Variants in GABRB2 observed in about 807,000 individuals in gnomAD.
GABRB2 encodes the protein gamma-aminobutyric acid receptor subunit beta-2.
A neutral mutation model predicts 54.7 loss-of-function variants in GABRB2; 16 were observed. That is an observed-to-expected ratio of 0.29 (90% CI 0.20 to 0.44). The LOEUF is 0.44. Among genes scored for constraint, GABRB2 ranks in the 20% least tolerant of loss-of-function variants. The pLI, the probability that GABRB2 is intolerant of heterozygous loss-of-function variation, is 1.00. For missense variants in GABRB2, 355 were observed against 644.0 expected (o/e 0.55, Z 4.86); for synonymous variants, 244 against 233.8 (o/e 1.04, Z -0.40).
chr5:161,464,874 C>G (rs1007273608), intron 3 of GABRB2, among the ~76,000 whole-genome samples: 6 of 151,972 alleles, frequency 3.9e-5, no homozygotes, highest in African/African-American at 1.4e-4. Context: ...GATGAACGGT[C>G]CCCTGGGGTT....
chr5:161,433,748 T>TA (rs1456034655), intron 4 of GABRB2, among the ~76,000 whole-genome samples: 2 of 152,180 alleles, frequency 1.3e-5, no homozygotes, highest in East Asian at 3.8e-4. Flanking sequence ...AAATTGTCCC[T>TA]AAAAATACAT....
chr5:161,343,485 T>A (rs1248158830), intron 5 of GABRB2, among the ~76,000 whole-genome samples: 1 of 152,066 alleles, frequency 6.6e-6, no homozygotes, highest in East Asian at 1.9e-4. Flanking sequence ...CATATATCTA[T>A]TAAAATTCCA....
intron 5 of GABRB2, among the ~76,000 whole-genome samples, chr5:161,379,445 A>G (rs1755402876): frequency 6.6e-6 from 1 of 152,206 alleles, no homozygotes; most frequent in Admixed American, 6.6e-5. Context: ...GCTTAGATTT[A>G]TAAACATTTT....
At chr5:161,437,006 C>T (rs1175275203) in intron 4 of GABRB2, among the ~76,000 whole-genome samples, 1 of 152,138 alleles carries the variant, frequency 6.6e-6, no homozygotes, top group Non-Finnish European at 1.5e-5. Context: ...ATGAACCTTG[C>T]TCTCAAGGGC....
intron 4 of GABRB2, among the ~76,000 whole-genome samples, chr5:161,449,078 C>T (rs1011843687): frequency 2.0e-5 from 3 of 152,132 alleles, no homozygotes; most frequent in East Asian, 1.9e-4. Flanking sequence ...TCAGTCTTCT[C>T]CATCCATCAA....
intron 4 of GABRB2, among the ~76,000 whole-genome samples, chr5:161,434,577 C>T (rs1757258255): frequency 6.6e-6 from 1 of 152,106 alleles, no homozygotes; most frequent in African/African-American, 2.4e-5. Flanking sequence ...TTCCCTCTAC[C>T]TGGAATCCCC....
chr5:161,334,699 A>G (rs1753941383), intron 7 of GABRB2, 53 bp downstream of exon 7: 1 of 1,585,814 alleles, frequency 6.3e-7, no homozygotes, highest in Admixed American at 1.8e-5. Context: ...GCATGCGAAC[A>G]CAGAAATGTA....
intron 3 of GABRB2, among the ~76,000 whole-genome samples, chr5:161,525,773 A>C (rs1481534530): frequency 6.6e-6 from 1 of 151,384 alleles, no homozygotes; most frequent in African/African-American, 2.4e-5. Flanking sequence ...ATTTTACCTT[A>C]TATCCCATCC....
intron 4 of GABRB2, among the ~76,000 whole-genome samples, chr5:161,442,099 A>T (rs1757483608): frequency 6.6e-6 from 1 of 152,182 alleles, no homozygotes; most frequent in Non-Finnish European, 1.5e-5. Flanking sequence ...TAAACAATGT[A>T]ATTGGATTGC....
At chr5:161,469,231 A>G (rs1758364792) in intron 3 of GABRB2, among the ~76,000 whole-genome samples, 1 of 151,950 alleles carries the variant, frequency 6.6e-6, no homozygotes. Flanking sequence ...TAAATTATAA[A>G]ACTAGTATCT....
At chr5:161,480,568 G>GA (rs1043012005) in intron 3 of GABRB2, among the ~76,000 whole-genome samples, 3 of 151,970 alleles carry the variant, frequency 2.0e-5, no homozygotes, top group African/African-American at 4.8e-5. Context: ...CTGATACAAA[G>GA]AAAGTGTTTG....
chr5:161,300,657 G>A (rs936081803), intron 9 of GABRB2, among the ~76,000 whole-genome samples: 3 of 152,090 alleles, frequency 2.0e-5, no homozygotes, highest in Admixed American at 1.3e-4. Context: ...GACTACTCTG[G>A]AGGCCTTGTT....
intron 4 of GABRB2, among the ~76,000 whole-genome samples, chr5:161,414,502 G>T (rs1272737611): frequency 1.3e-5 from 2 of 152,008 alleles, no homozygotes; most frequent in Non-Finnish European, 2.9e-5. Flanking sequence ...TATAAACAAG[G>T]CAGAGATATC....
chr5:161,339,522 T>G (rs1194103230), intron 5 of GABRB2, among the ~76,000 whole-genome samples: 1 of 152,090 alleles, frequency 6.6e-6, no homozygotes, highest in Non-Finnish European at 1.5e-5. Flanking sequence ...AATTCTATTG[T>G]AGGTGACACA....
chr5:161,527,793 G>T (rs1298079015), intron 3 of GABRB2, among the ~76,000 whole-genome samples: 1 of 151,498 alleles, frequency 6.6e-6, no homozygotes, highest in African/African-American at 2.4e-5. Flanking sequence ...GATTAGCAAA[G>T]ATGAAAAGAA....
intron 5 of GABRB2, among the ~76,000 whole-genome samples, chr5:161,363,122 C>T (rs1234759918): frequency 6.6e-6 from 1 of 152,126 alleles, no homozygotes; most frequent in Non-Finnish European, 1.5e-5. Context: ...AGACTTGGAA[C>T]CAACCCAAAT....
chr5:161,343,062 G>C (rs1455868432), intron 5 of GABRB2, among the ~76,000 whole-genome samples: 1 of 151,964 alleles, frequency 6.6e-6, no homozygotes, highest in East Asian at 1.9e-4. Context: ...AGAGTCACTG[G>C]GATCTTTCGA....
At chr5:161,503,858 G>A (rs1300815602) in intron 3 of GABRB2, among the ~76,000 whole-genome samples, 1 of 151,504 alleles carries the variant, frequency 6.6e-6, no homozygotes, top group Non-Finnish European at 1.5e-5. Context: ...AGGTATGAAA[G>A]AATGAAAAAA....
At chr5:161,453,737 T>TAA (rs140889888) in intron 4 of GABRB2, among the ~76,000 whole-genome samples, 1 of 151,760 alleles carries the variant, frequency 6.6e-6, no homozygotes, top group Non-Finnish European at 1.5e-5. Context: ...GCTTTTTTAA[T>TAA]AAAAAAAAGA....
Sources: gnomAD v4.1 joint callset for allele counts (sites outside exome capture counted in the v4.1 genomes callset) on GRCh38, gnomAD v4.1.1 for gene constraint, MANE v1.5 for transcripts, NCBI Gene and HGNC (gene_info 2026-07-23, HGNC 2026-07-21) for gene names.